Variants in RABGAP1 observed in about 807,000 individuals in gnomAD.
RABGAP1 encodes the protein RAB GTPase activating protein 1, also known as rab GTPase-activating protein 1.
Under a neutral mutation model 137.6 loss-of-function variants are expected in RABGAP1, and 23 were observed. The observed-to-expected ratio is 0.17, with a 90% confidence interval of 0.12 to 0.24. The LOEUF (loss-of-function observed/expected upper bound fraction) is 0.24, where lower values mean the gene tolerates loss of function less well. Among genes scored for constraint, RABGAP1 ranks in the 10% least tolerant of loss-of-function variants. The pLI is 1.00. For missense variants in RABGAP1, 906 were observed against 1,275.8 expected (o/e 0.71, Z 4.42); for synonymous variants, 451 against 450.7 (o/e 1.00, Z -0.01).
At chr9:123,047,919 GTTTTTTTTTTTTT>G (rs59639446) in intron 13 of RABGAP1, among the ~76,000 whole-genome samples, 17 of 62,282 alleles carry the variant, frequency 2.7e-4, no homozygotes, top group South Asian at 6.5e-4. Flanking sequence ...CAGCTGCTGG[GTTTTTTTTTTTTT>G]TTTTTTTTTT....
At chr9:123,039,637 A>G (rs775207364) in intron 13 of RABGAP1, among the ~76,000 whole-genome samples, 14 of 152,174 alleles carry the variant, frequency 9.2e-5, no homozygotes, top group Non-Finnish European at 1.8e-4. Context: ...ATATACTTAG[A>G]TAACTTTGCT....
At chr9:123,098,102 G>C (rs183661576) in intron 22 of RABGAP1, among the ~76,000 whole-genome samples, 2 of 152,360 alleles carry the variant, frequency 1.3e-5, no homozygotes, top group Admixed American at 1.3e-4. Flanking sequence ...CAAAGAAGAG[G>C]GGGTAGAATT....
chr9:123,010,992 A>C (rs903806725), intron 11 of RABGAP1, among the ~76,000 whole-genome samples: 12 of 149,854 alleles, frequency 8.0e-5, no homozygotes. Context: ...TTAAGAATCC[A>C]CTGGTTCTTT....
chr9:122,963,048 C>G (rs1244580835), intron 2 of RABGAP1, among the ~76,000 whole-genome samples: 1 of 152,086 alleles, frequency 6.6e-6, no homozygotes, highest in Non-Finnish European at 1.5e-5. Flanking sequence ...AATTACATAT[C>G]TAATAACCAA....
intron 1 of RABGAP1, among the ~76,000 whole-genome samples, chr9:122,952,382 C>T (rs1286383933): frequency 6.6e-6 from 1 of 152,066 alleles, no homozygotes; most frequent in Non-Finnish European, 1.5e-5. Context: ...CCTCAGCCTC[C>T]CGAGTAGCTG....
intron 10 of RABGAP1, among the ~76,000 whole-genome samples, chr9:123,007,397 A>G (rs556425569): frequency 9.3e-4 from 130 of 139,888 alleles, no homozygotes; most frequent in East Asian, 8.7e-3. Flanking sequence ...TTTTTTTCCA[A>G]GACAGAGTCT....
intron 2 of RABGAP1, among the ~76,000 whole-genome samples, chr9:122,962,896 T>A (rs745966775): frequency 3.8e-4 from 58 of 152,182 alleles, no homozygotes; most frequent in South Asian, 1.0e-3. Context: ...AAAAATATAA[T>A]GCAAACAGCA....
intron 12 of RABGAP1, among the ~76,000 whole-genome samples, chr9:123,018,648 T>C (rs1485343829): frequency 2.0e-5 from 3 of 152,260 alleles, no homozygotes; most frequent in Admixed American, 1.3e-4. Context: ...TTTCAACTTT[T>C]ACATAATGTT....
intron 11 of RABGAP1, among the ~76,000 whole-genome samples, chr9:123,011,111 A>G (rs1019382082): frequency 6.6e-6 from 1 of 152,144 alleles, no homozygotes; most frequent in African/African-American, 2.4e-5. Context: ...CACAGGAAAC[A>G]TGAATGAGAG....
chr9:123,101,557 C>T lies in RABGAP1; in HGVS notation c.2890-9C>T, dbSNP rs1426237156. On this transcript the variant is annotated splice_polypyrimidine_tract_variant and intron_variant, in intron 24 of 25. Transcript: ENST00000373647. ...TCTTTGCCTCTTCACATCTAACATTCAATTTCAGCAAAAAGTGGATGACTG... is the reference window on the plus strand; with the variant it reads ...TCTTTGCCTCTTCACATCTAACATTTAATTTCAGCAAAAAGTGGATGACTG... The T allele has an allele frequency of 2.6e-5, 42 of 1,612,196 alleles. No homozygotes were observed. Among genetic ancestry groups the T allele is most frequent in the Non-Finnish European group, 3.4e-5 (40 of 1,178,956 alleles).
At chr9:123,090,254 T>C (rs1564188827) in intron 20 of RABGAP1, 21 bp from the exon 21 acceptor site, 1 of 1,567,926 alleles carries the variant, frequency 6.4e-7, no homozygotes, top group Non-Finnish European at 8.7e-7. Context: ...TGTCTGTAAC[T>C]GGTTTCTTTC....
intron 10 of RABGAP1, among the ~76,000 whole-genome samples, chr9:123,008,193 G>C (rs972422278): frequency 6.6e-6 from 1 of 152,094 alleles, no homozygotes; most frequent in East Asian, 1.9e-4. Flanking sequence ...AAAAGGCAGC[G>C]TGTCCTTTGG....
At chr9:123,078,980 A>C (rs868522302) in intron 19 of RABGAP1, among the ~76,000 whole-genome samples, 40 of 152,174 alleles carry the variant, frequency 2.6e-4, no homozygotes, top group Middle Eastern at 3.4e-3. Flanking sequence ...TTTTCTTTCC[A>C]AATGTTTTTT....
chr9:122,995,484 T>G (rs940785930), intron 6 of RABGAP1, among the ~76,000 whole-genome samples: 2 of 151,962 alleles, frequency 1.3e-5, no homozygotes, highest in African/African-American at 4.8e-5. Context: ...AAAGAGAAAA[T>G]TAAGGTTATG....
At chr9:122,964,713 G>A (rs147105684) in intron 2 of RABGAP1, among the ~76,000 whole-genome samples, 281 of 152,332 alleles carry the variant, frequency 1.8e-3, no homozygotes, top group African/African-American at 6.3e-3. Flanking sequence ...CTAGGGCCAG[G>A]TGCAGTGGCT....
chr9:122,986,509 T>C (rs1301866042), intron 4 of RABGAP1, 90 bp downstream of exon 4: 4 of 1,309,458 alleles, frequency 3.1e-6, no homozygotes, highest in Non-Finnish European at 3.2e-6. Context: ...AAAATACATA[T>C]TAATAGTTAT....
At chr9:122,981,892 T>A (rs1321580179) in intron 2 of RABGAP1, among the ~76,000 whole-genome samples, 1 of 152,010 alleles carries the variant, frequency 6.6e-6, no homozygotes, top group Non-Finnish European at 1.5e-5. Context: ...CTACTAAAAA[T>A]ACAAAAACTA....
At chr9:122,953,398 C>T (rs1295688273) in intron 1 of RABGAP1, among the ~76,000 whole-genome samples, 1 of 151,624 alleles carries the variant, frequency 6.6e-6, no homozygotes, top group Non-Finnish European at 1.5e-5. Flanking sequence ...AGTAGTAGAA[C>T]CAGTATCTTT....
intron 10 of RABGAP1, 140 bp from the exon 11 acceptor site, chr9:123,010,214 T>G (rs1004703564): frequency 2.5e-5 from 18 of 721,742 alleles, no homozygotes; most frequent in Non-Finnish European, 3.6e-5. Flanking sequence ...AAAACATCAT[T>G]TATTTTCACA....
Sources: gnomAD v4.1 joint callset for allele counts (sites outside exome capture counted in the v4.1 genomes callset) on GRCh38, gnomAD v4.1.1 for gene constraint, MANE v1.5 for transcripts, NCBI Gene and HGNC (gene_info 2026-07-23, HGNC 2026-07-21) for gene names.